The following SLC25A26 variants were observed in gnomAD, a reference collection of about 807,000 sequenced individuals.
The protein encoded by SLC25A26 is mitochondrial S-adenosylmethionine carrier protein.
In SLC25A26, 36 loss-of-function variants were observed where a neutral mutation model predicts 37.8. The ratio of observed to expected loss-of-function variants is 0.95; its 90% confidence interval spans 0.73 to 1.26. SLC25A26 has a LOEUF of 1.26. Among genes scored for constraint, SLC25A26 ranks in the 50% most tolerant of loss-of-function variants. SLC25A26 has a pLI of 0.00. For missense variants in SLC25A26, 390 were observed against 331.1 expected (o/e 1.18, Z -1.38); for synonymous variants, 129 against 122.5 (o/e 1.05, Z -0.35).
At chr3:66,269,605 G>T (rs2073883481) in intron 5 of SLC25A26, among the ~76,000 whole-genome samples, 1 of 152,192 alleles carries the variant, frequency 6.6e-6, no homozygotes, top group Admixed American at 6.5e-5. Context: ...GATTGCACCA[G>T]TTGGATGTTT....
At chr3:66,185,689 C>T (rs1005217479) in intron 1 of SLC25A26, among the ~76,000 whole-genome samples, 16 of 152,056 alleles carry the variant, frequency 1.1e-4, no homozygotes, top group South Asian at 2.1e-4. Flanking sequence ...TGACTTTTAC[C>T]ATGTCCTTAC....
chr3:66,257,427 A>G (rs189536995), intron 3 of SLC25A26, among the ~76,000 whole-genome samples: 1 of 152,118 alleles, frequency 6.6e-6, no homozygotes, highest in African/African-American at 2.4e-5. Context: ...CTGGGGCCAC[A>G]GTCTAGGGCC....
At chr3:66,309,017 C>T (rs1250218465) in intron 5 of SLC25A26, among the ~76,000 whole-genome samples, 1 of 152,120 alleles carries the variant, frequency 6.6e-6, no homozygotes, top group Non-Finnish European at 1.5e-5. Flanking sequence ...GTGTCTCTGT[C>T]AGGTTTTGGT....
chr3:66,257,971 A>G (rs971241689), intron 3 of SLC25A26, among the ~76,000 whole-genome samples: 5 of 152,304 alleles, frequency 3.3e-5, no homozygotes, highest in African/African-American at 1.2e-4. Flanking sequence ...CCCCTTGCAC[A>G]TCAAGTAGGG....
intron 1 of SLC25A26, among the ~76,000 whole-genome samples, chr3:66,226,438 T>C (rs1553660631): frequency 6.6e-6 from 1 of 152,096 alleles, no homozygotes; most frequent in South Asian, 2.1e-4. Context: ...AGATGAGATT[T>C]GGTTGGGGAC....
At chr3:66,321,737 T>C (rs1042446409) in intron 5 of SLC25A26, among the ~76,000 whole-genome samples, 1 of 149,682 alleles carries the variant, frequency 6.7e-6, no homozygotes. Flanking sequence ...TCTTGTTATA[T>C]AGCTTTCTGC....
intron 7 of SLC25A26, among the ~76,000 whole-genome samples, chr3:66,363,947 G>T (rs1169666719): frequency 6.6e-6 from 1 of 151,738 alleles, no homozygotes; most frequent in Non-Finnish European, 1.5e-5. Context: ...CATTAGCTGT[G>T]TTAAATAAGT....
At chr3:66,346,534 A>G (rs374862448) in intron 6 of SLC25A26, 126 bp downstream of exon 6, 2 of 477,968 alleles carry the variant, frequency 4.2e-6, no homozygotes, top group Non-Finnish European at 3.6e-6. Flanking sequence ...GCAGTTGAAA[A>G]TATATTTTAT....
chr3:66,315,325 T>G (rs548174336), intron 5 of SLC25A26, among the ~76,000 whole-genome samples: 1 of 152,306 alleles, frequency 6.6e-6, no homozygotes, highest in South Asian at 2.1e-4. Context: ...CGTTGTTTCT[T>G]TGTTCTTACT....
At chr3:66,328,144 TAAA>T (rs2075884268) in intron 5 of SLC25A26, among the ~76,000 whole-genome samples, 1 of 152,150 alleles carries the variant, frequency 6.6e-6, no homozygotes, top group Admixed American at 6.5e-5. Flanking sequence ...ATTTTTCCCT[TAAA>T]AAAGTTGTGC....
intron 1 of SLC25A26, among the ~76,000 whole-genome samples, chr3:66,209,385 G>A (rs1206714241): frequency 7.4e-6 from 1 of 134,726 alleles, no homozygotes; most frequent in East Asian, 2.2e-4. Context: ...ATATGTACAT[G>A]TATCTATATG....
chr3:66,315,084 T>A (rs913117499), intron 5 of SLC25A26, among the ~76,000 whole-genome samples: 15 of 95,392 alleles, frequency 1.6e-4, no homozygotes, highest in Admixed American at 1.1e-3. Context: ...TCTTTGATTT[T>A]TTTTTTTTTT....
intron 1 of SLC25A26, among the ~76,000 whole-genome samples, chr3:66,136,481 G>C (rs2069948400): frequency 6.6e-6 from 1 of 152,182 alleles, no homozygotes; most frequent in Admixed American, 6.5e-5. Context: ...AGCTGGATTT[G>C]AATCCATGTC....
chr3:66,138,914 A>T (rs1437309239), intron 1 of SLC25A26, among the ~76,000 whole-genome samples: 1 of 152,166 alleles, frequency 6.6e-6, no homozygotes, highest in East Asian at 1.9e-4. Flanking sequence ...AACAGGAAAG[A>T]CAAACAGTCA....
intron 5 of SLC25A26, among the ~76,000 whole-genome samples, chr3:66,345,490 C>T (rs920797893): frequency 6.6e-6 from 1 of 151,536 alleles, no homozygotes; most frequent in Admixed American, 6.6e-5. Flanking sequence ...TCCTCCTCCT[C>T]TCTGCCCCCC....
At chr3:66,326,311 G>A (rs966781690) in intron 5 of SLC25A26, among the ~76,000 whole-genome samples, 7 of 152,140 alleles carry the variant, frequency 4.6e-5, no homozygotes, top group Admixed American at 3.3e-4. Context: ...AAGACATTAC[G>A]AAAAAAATCA....
intron 5 of SLC25A26, among the ~76,000 whole-genome samples, chr3:66,326,746 A>T (rs916752438): frequency 2.6e-5 from 4 of 152,156 alleles, no homozygotes; most frequent in African/African-American, 9.7e-5. Context: ...TTGAGCCCCA[A>T]ATGTGTTCAT....
At chr3:66,233,803 G>A (rs1266611405) in intron 1 of SLC25A26, among the ~76,000 whole-genome samples, 1 of 152,082 alleles carries the variant, frequency 6.6e-6, no homozygotes. Context: ...TACCAGACAA[G>A]TAAATTGAAT....
chr3:66,296,580 T>C (rs1041203101), intron 5 of SLC25A26, among the ~76,000 whole-genome samples: 2 of 152,196 alleles, frequency 1.3e-5, no homozygotes, highest in Admixed American at 6.5e-5. Flanking sequence ...CATATGTGAA[T>C]GTATTGTGTG....
Sources: allele counts gnomAD v4.1 joint callset (sites outside exome capture counted in the v4.1 genomes callset), GRCh38; gene constraint gnomAD v4.1.1; transcripts MANE v1.5; gene names NCBI Gene and HGNC (gene_info 2026-07-23, HGNC 2026-07-21).